Variants in ZFHX4 observed in about 807,000 individuals in gnomAD.
ZFHX4 encodes zinc finger homeobox 4.
In ZFHX4, 56 loss-of-function variants were observed where a neutral mutation model predicts 267.6. The ratio of observed to expected loss-of-function variants is 0.21; its 90% CI spans 0.17 to 0.26. ZFHX4 has a LOEUF of 0.26. Ranked by LOEUF, ZFHX4 falls within the 10% of genes least tolerant of loss-of-function variation. The pLI is 1.00. For missense variants in ZFHX4, 4,332 were observed against 4,420.0 expected, an observed-to-expected ratio of 0.98 and a Z score of 0.56; for synonymous variants, 1,778 against 1,665.6, an observed-to-expected ratio of 1.07 and a Z score of -1.64.
intron 1 of ZFHX4, chr8:76,684,060 C>A (rs1477838957): frequency 6.8e-6 from 1 of 146,692 alleles, no homozygotes; most frequent in Non-Finnish European, 1.5e-5. Flanking sequence ...TTTTTTTTTT[C>A]TGTTTCTTTA....
At chr8:76,786,922 A>G (rs932239923) in intron 4 of ZFHX4, among the ~76,000 whole-genome samples, 68 of 152,188 alleles carry the variant, frequency 4.5e-4, no homozygotes, top group African/African-American at 1.6e-3. Context: ...AACCATCCAT[A>G]GCATGATTGC....
chr8:76,706,787 C>T (rs1198215715), intron 2 of ZFHX4, 109 bp downstream of exon 2: 1 of 1,194,500 alleles, frequency 8.4e-7, no homozygotes, highest in Non-Finnish European at 1.1e-6. Flanking sequence ...GGACAGCTTA[C>T]TAGAAAGGAC....
intron 3 of ZFHX4, among the ~76,000 whole-genome samples, chr8:76,722,148 C>T (rs1297095422): frequency 1.3e-5 from 2 of 152,006 alleles, no homozygotes; most frequent in Admixed American, 1.3e-4. Flanking sequence ...ATGATGAGAT[C>T]AATCAAGGGC....
chr8:76,779,292 A>G (rs1272357204), intron 4 of ZFHX4, among the ~76,000 whole-genome samples: 1 of 152,108 alleles, frequency 6.6e-6, no homozygotes, highest in African/African-American at 2.4e-5. Flanking sequence ...TGGCAAACCT[A>G]GGTGGTGTTT....
intron 3 of ZFHX4, among the ~76,000 whole-genome samples, chr8:76,754,593 T>C (rs1187358178): frequency 6.6e-6 from 1 of 152,194 alleles, no homozygotes; most frequent in Non-Finnish European, 1.5e-5. Flanking sequence ...TATACCTATT[T>C]ATAGGATATA....
At chr8:76,766,028 T>C (rs1810042400) in intron 3 of ZFHX4, among the ~76,000 whole-genome samples, 1 of 152,098 alleles carries the variant, frequency 6.6e-6, no homozygotes, top group African/African-American at 2.4e-5. Flanking sequence ...TTCTAATGTA[T>C]CTAATATCCT....
chr8:76,722,305 T>G (rs1399933651), intron 3 of ZFHX4, among the ~76,000 whole-genome samples: 2 of 152,078 alleles, frequency 1.3e-5, no homozygotes, highest in Non-Finnish European at 2.9e-5. Context: ...TGCATCAGCT[T>G]TCTTGAGTCT....
At chr8:76,792,045 T>G (rs566436262) in intron 4 of ZFHX4, among the ~76,000 whole-genome samples, 1 of 152,302 alleles carries the variant, frequency 6.6e-6, no homozygotes, top group South Asian at 2.1e-4. Context: ...ACAAAGGTGA[T>G]GACCTTATAT....
chr8:76,855,213 G>C lies in ZFHX4; in HGVS notation c.8292G>C (p.Pro2764=). ...TPVSKTAELS[P]KNLLSPSSFK... The stretch of plus-strand genomic sequence containing the variant: ...TTAGTAAAACAGCAGAGCTGTCACC[G>C]AAGAATCTTTTAAGCCCTTCTTCTT... The change falls in exon 10 of 11, where the codon CCG becomes CCC. Residue 2764 remains proline (P), a synonymous_variant. Transcript: ENST00000651372. The C allele has an allele frequency of 6.2e-7, 1 of 1,612,480 alleles. No homozygotes were observed. Among genetic ancestry groups the C allele is most frequent in the Admixed American group, 1.7e-5 (1 of 59,724 alleles).
At chr8:76,760,571 T>C (rs934014388) in intron 3 of ZFHX4, among the ~76,000 whole-genome samples, 33 of 152,096 alleles carry the variant, frequency 2.2e-4, no homozygotes, top group African/African-American at 7.2e-4. Context: ...TGGAAGAGTT[T>C]AATCTCCTAC....
intron 5 of ZFHX4, among the ~76,000 whole-genome samples, chr8:76,838,362 T>G (rs1812146285): frequency 6.6e-6 from 1 of 152,094 alleles, no homozygotes; most frequent in African/African-American, 2.4e-5. Context: ...AAGCACTAAG[T>G]GTTATGTAGG....
intron 4 of ZFHX4, among the ~76,000 whole-genome samples, chr8:76,787,754 G>A (rs939927077): frequency 6.6e-6 from 1 of 151,632 alleles, no homozygotes; most frequent in African/African-American, 2.4e-5. Flanking sequence ...CAGAGGTTGC[G>A]GTGAGCCGAG....
chr8:76,696,465 TC>T (rs1222990320), intron 1 of ZFHX4, among the ~76,000 whole-genome samples: 1 of 152,056 alleles, frequency 6.6e-6, no homozygotes, highest in Non-Finnish European at 1.5e-5. Context: ...TAGTCTGACA[TC>T]AAGTTTGTTT....
intron 4 of ZFHX4, among the ~76,000 whole-genome samples, chr8:76,817,462 T>C (rs1811536509): frequency 1.3e-5 from 2 of 152,172 alleles, no homozygotes; most frequent in Non-Finnish European, 2.9e-5. Flanking sequence ...TCCTTGACCA[T>C]GGTTCTCAAG....
chr8:76,842,829 C>T lies in ZFHX4; in HGVS notation c.3511+58C>T, dbSNP rs1278726160. On this transcript the variant is annotated intron_variant, in intron 6 of 10. Transcript: ENST00000651372. ...CCCTATACCCATTCCCTGCCATCAA[C>T]TCTTCCTTCACCATCCCCCCACCCC... 2.4e-6 allele frequency: 3 copies of T among 1,263,586 alleles called. No homozygotes were observed. In the African/African-American group the frequency reaches 4.5e-5, roughly 19 times the overall value. The allele number at this position is 1,263,586 out of a possible 1,614,324, so 78.3% of individuals were successfully genotyped here.
chr8:76,779,626 C>CTAA (rs1810497015), intron 4 of ZFHX4, among the ~76,000 whole-genome samples: 1 of 152,198 alleles, frequency 6.6e-6, no homozygotes, highest in South Asian at 2.1e-4. Context: ...AAATGGCACT[C>CTAA]TAATTAGCTG....
chr8:76,772,513 G>T (rs1487196938), intron 3 of ZFHX4, among the ~76,000 whole-genome samples: 1 of 152,110 alleles, frequency 6.6e-6, no homozygotes, highest in Non-Finnish European at 1.5e-5. Context: ...GGGACTAAGA[G>T]GAGGGACATA....
In ZFHX4 at chr8:76,720,432, G is replaced by A. The variant is rs116736462; in HGVS notation, c.3093+12384G>A. On this transcript the variant is annotated intron_variant, in intron 3 of 10. Coordinates refer to ENST00000651372, the MANE Select transcript of ZFHX4 (RefSeq NM_024721.5). ...CCATTAATTGCTGGACATTTGGGTC[G>A]TTTCCACTTGTTGTCTATTATGGAA... 9.2e-3 allele frequency among the ~76,000 whole-genome samples: 1,405 copies of A among 152,124 alleles called. 20 individuals are homozygous for A. The highest frequency in any genetic ancestry group is 0.031 in the African/African-American group (1,279 of 41,498).
At chr8:76,717,175 A>G (rs1054616351) in intron 3 of ZFHX4, among the ~76,000 whole-genome samples, 7 of 152,164 alleles carry the variant, frequency 4.6e-5, no homozygotes, top group African/African-American at 1.7e-4. Context: ...TAAAAAAATC[A>G]TCTTGTTTTG....
Sources: gnomAD v4.1 joint callset for allele counts (sites outside exome capture counted in the v4.1 genomes callset) on GRCh38, gnomAD v4.1.1 for gene constraint, MANE v1.5 for transcripts, NCBI Gene and HGNC (gene_info 2026-07-23, HGNC 2026-07-21) for gene names.